The following FBXO47 variants were observed in gnomAD, a reference collection of about 807,000 sequenced individuals.
FBXO47 encodes the protein F-box protein 47, also known as F-box only protein 47.
FBXO47 carries 34 observed loss-of-function variants against 53.9 expected under a neutral mutation model. The ratio of observed to expected loss-of-function variants is 0.63; its 90% CI spans 0.48 to 0.84. The LOEUF is 0.84. FBXO47 is among the 40% of genes least tolerant of loss of function. The pLI is 0.00. For missense variants in FBXO47, 485 were observed against 541.3 expected, an observed-to-expected ratio of 0.90 and a Z score of 1.03; for synonymous variants, 165 against 181.6, an observed-to-expected ratio of 0.91 and a Z score of 0.73.
chr17:38,962,772 C>A, intron 2 of FBXO47, 73 bp downstream of exon 2: 1 of 1,075,732 alleles, frequency 9.3e-7, no homozygotes, highest in Non-Finnish European at 1.3e-6. Context: ...CCCAAGATGA[C>A]AAACTAGTTC....
intron 4 of FBXO47, among the ~76,000 whole-genome samples, chr17:38,955,756 G>A (rs182466966): frequency 2.6e-5 from 4 of 151,786 alleles, no homozygotes; most frequent in Admixed American, 1.3e-4. Context: ...TCAGGAGTTC[G>A]AGATCAGCCT....
At chr17:38,946,650 A>C (rs1170269178) in intron 6 of FBXO47, among the ~76,000 whole-genome samples, 2 of 73,478 alleles carry the variant, frequency 2.7e-5, no homozygotes, top group Non-Finnish European at 2.2e-5. Flanking sequence ...ATATATATAA[A>C]TATATATGAA....
chr17:38,947,113 T>C (rs958638839), intron 6 of FBXO47, among the ~76,000 whole-genome samples: 4 of 140,978 alleles, frequency 2.8e-5, no homozygotes, highest in Admixed American at 7.4e-5. Context: ...TAAACATATA[T>C]ATATAAACAT....
intron 8 of FBXO47, 30 bp from the exon 9 acceptor site, chr17:38,942,950 T>C (rs1486907219): frequency 1.3e-6 from 2 of 1,576,032 alleles, no homozygotes; most frequent in East Asian, 2.2e-5. Flanking sequence ...AATTATTTAA[T>C]GAGAAATCAC....
chr17:38,954,087 G>T lies in FBXO47; in HGVS notation c.507+769C>A, dbSNP rs181672605. On this transcript the variant is annotated intron_variant, in intron 5 of 10. Transcript: ENST00000378079. ...GTGGGTGGATTGCTTGAGGTCAGGAGTTCGAGACCAGCCTGACCAACATGG... is the reference window on the plus strand; with the variant it reads ...GTGGGTGGATTGCTTGAGGTCAGGATTTCGAGACCAGCCTGACCAACATGG... 3.3e-3 allele frequency among the ~76,000 whole-genome samples: 503 copies of T among 152,182 alleles called. 2 individuals carry two copies. The highest frequency in any genetic ancestry group is 0.011 in the African/African-American group (443 of 41,516).
At position 38,962,973 on chromosome 17, in the gene FBXO47, C is replaced by T. The variant is rs781406703; in HGVS notation, c.53G>A (p.Arg18Lys). 2.6e-5 allele frequency: 42 copies of T among 1,612,124 alleles called. 1 individual carries two copies. The highest frequency in any genetic ancestry group is 1.1e-4 in the East Asian group (5 of 44,862). The stretch of plus-strand genomic sequence containing the variant: ...ACAGCTGGTTTGACGATTACTACGT[C>T]TAAGTTTCTGGTTGGGAATCAAAGT... ...NFTLIPNQKLRRSNRQTSCYS... is the reference protein window; with the variant it reads ...NFTLIPNQKLKRSNRQTSCYS... Residue 18 changes from arginine to lysine, a missense_variant, in exon 2 of 11, where the codon AGA (arginine) becomes AAA (lysine). Coordinates refer to ENST00000378079, the MANE Select transcript of FBXO47 (RefSeq NM_001008777.3).
At chr17:38,946,963 CAT>C (rs1162115720) in intron 6 of FBXO47, among the ~76,000 whole-genome samples, 4 of 107,372 alleles carry the variant, frequency 3.7e-5, no homozygotes, top group East Asian at 3.0e-4. Flanking sequence ...AATATATAAA[CAT>C]ATATAAATAT....
rs752461123 is a variant in FBXO47, at chr17:38,944,988, G to T, written c.765C>A (p.Ile255=). ...PMVNQARLLY[I]IFGPISPQDG... is the part of the protein sequence containing the mutation. ...CTTGAGGAGATATTGGCCCAAAGAT[G>T]ATATACAGTAATCTTGCCTGATTCA... The change falls in exon 7 of 11, where the codon ATC becomes ATA. Residue 255 remains isoleucine (I), a synonymous_variant. Coordinates refer to ENST00000378079, the MANE Select transcript of FBXO47 (RefSeq NM_001008777.3). The T allele has an allele frequency of 6.2e-7, 1 of 1,613,910 alleles. No homozygotes were observed. Among genetic ancestry groups the T allele is most frequent in the South Asian group, 1.1e-5 (1 of 91,062 alleles).
Position 38,942,738 on chromosome 17 carries a change from T to C in FBXO47, c.1083+40A>G, listed in dbSNP as rs763501520. The C allele has an allele frequency of 9.6e-6, 15 of 1,567,574 alleles. No homozygotes were observed. In the South Asian group the frequency reaches 1.5e-4, roughly 16 times the overall value. ...GCAGCTCCCTGTAGGTCAATTGTAG[T>C]GTTAAAAAACTTGCTAGAGAAAAAC... On this transcript the variant is annotated intron_variant, in intron 9 of 10. Coordinates refer to ENST00000378079, the MANE Select transcript of FBXO47 (RefSeq NM_001008777.3).
At chr17:38,946,571 T>TATATATGAATATATAACTATATAA (rs1904870478) in intron 6 of FBXO47, among the ~76,000 whole-genome samples, 1 of 83,424 alleles carries the variant, frequency 1.2e-5, no homozygotes, top group Admixed American at 2.2e-4. Context: ...ACTATATAAA[T>TATATATGAATATATAACTATATAA]ATATATGAAT....
chr17:38,952,800 A>G (rs1171282526), intron 5 of FBXO47, among the ~76,000 whole-genome samples: 1 of 145,078 alleles, frequency 6.9e-6, no homozygotes, highest in Non-Finnish European at 1.5e-5. Context: ...GACAATTCTG[A>G]GCATTTATTT....
rs1905834613 is a variant in FBXO47 at position 38,961,966 on chromosome 17, C to G, written c.263G>C (p.Ser88Thr). 1 of 1,613,926 alleles carries G rather than the reference C, an allele frequency of 6.2e-7. No homozygotes were observed. Among genetic ancestry groups the G allele is most frequent in the Non-Finnish European group, 8.5e-7 (1 of 1,179,974 alleles). ...IINYISTSSG[S>T]KRLLLQDFHN... is the part of the protein sequence containing the mutation. Reference sequence around the variant, plus strand: ...AAAGTCCTGTAGTAAAAGTCTTTTGCTTCCTGATGAGGTTGAGATATAATT... The same window carrying G: ...AAAGTCCTGTAGTAAAAGTCTTTTGGTTCCTGATGAGGTTGAGATATAATT... The change falls in exon 3 of 11, where the codon AGC becomes ACC. Residue 88 changes from serine (S) to threonine (T), a missense_variant. Physicochemically the swap from Ser to Thr is moderately conservative, Grantham distance 58 (BLOSUM62 1). Transcript: ENST00000378079.
rs75455805 is a variant in FBXO47, at chr17:38,949,535, C to A, written c.616+2046G>T. Among the ~76,000 whole-genome samples the A allele has an allele frequency of 5.6e-3, 852 of 152,200 alleles. 6 individuals carry two copies. Among genetic ancestry groups the A allele is most frequent in the African/African-American group, 0.019 (781 of 41,506 alleles). ...TTTCATTTCTCCTGGGGCTATATACCTAGAAGTGAAATTGATGGATCATAT... is the reference window on the plus strand; with the variant it reads ...TTTCATTTCTCCTGGGGCTATATACATAGAAGTGAAATTGATGGATCATAT... On this transcript the variant is annotated intron_variant, in intron 6 of 10. Transcript: ENST00000378079.
chr17:38,946,374 A>AAC, intron 6 of FBXO47, among the ~76,000 whole-genome samples: 5 of 93,844 alleles, frequency 5.3e-5, no homozygotes, highest in South Asian at 3.6e-4. Flanking sequence ...ATATAGATAT[A>AAC]TATATAAATA....
In FBXO47 at chr17:38,937,269, C is replaced by G. The variant is rs374174988; in HGVS notation, c.1265G>C (p.Arg422Thr). Residue 422 changes from arginine (R) to threonine (T), a missense_variant, in exon 11 of 11, where the codon AGA becomes ACA. Transcript: ENST00000378079. ...IMSGDRDEDD[R>T]SFLNLFHLVH... ...AAGATGGAACAAATTCAAAAAGCTT[C>G]TGTCATCTTCATCACGGTCTCCTAT... 9.4e-6 allele frequency: 15 copies of G among 1,600,912 alleles called. No homozygotes were observed. Among genetic ancestry groups the G allele is most frequent in the African/African-American group, 1.3e-5 (1 of 74,506 alleles).
chr17:38,941,863 G>C (rs903984519), intron 9 of FBXO47, among the ~76,000 whole-genome samples: 2 of 151,338 alleles, frequency 1.3e-5, no homozygotes, highest in East Asian at 3.9e-4. Context: ...TTGTAGAGAC[G>C]GGTTTCGCCA....
At chr17:38,963,815 T>TTC (rs1905952610) in intron 1 of FBXO47, among the ~76,000 whole-genome samples, 1 of 148,620 alleles carries the variant, frequency 6.7e-6, no homozygotes, top group South Asian at 2.1e-4. Context: ...TTTTTTTTTT[T>TTC]TGTCAAGGTC....
At position 38,967,321 on chromosome 17, in the gene FBXO47, A is replaced by C. The variant is rs1037474034; in HGVS notation, c.-119T>G. ...CATCCTCAAATTTCTTAGTGTTTAG[A>C]AAAGAAAATATCTCCTCAAGAGCTT... is the stretch of plus-strand genomic sequence containing the variant. On this transcript the variant is annotated 5_prime_UTR_variant, in exon 1 of 11. Coordinates refer to ENST00000378079, the MANE Select transcript of FBXO47 (RefSeq NM_001008777.3). 6.6e-6 allele frequency: 1 copy of C among 152,150 alleles called. No individual in the cohort carries two copies. The highest frequency in any genetic ancestry group is 2.4e-5 in the African/African-American group (1 of 41,440). 9.4% of individuals were successfully genotyped at this position (152,150 alleles called of 1,614,324 possible). A position where few individuals can be genotyped will look rare whatever the true frequency, so the allele number is the denominator to read the frequency against.
At chr17:38,938,929 A>G (rs892836909) in intron 9 of FBXO47, among the ~76,000 whole-genome samples, 197 bp from the exon 10 acceptor site, 4 of 152,106 alleles carry the variant, frequency 2.6e-5, no homozygotes, top group African/African-American at 9.7e-5. Flanking sequence ...TTTTAATGGG[A>G]AAAAAGTATG....
Sources: gnomAD v4.1 joint callset for allele counts (sites outside exome capture counted in the v4.1 genomes callset) on GRCh38, gnomAD v4.1.1 for gene constraint, MANE v1.5 for transcripts, NCBI Gene and HGNC (gene_info 2026-07-23, HGNC 2026-07-21) for gene names.